The following SPATA12 variants were observed in gnomAD, a reference collection of about 807,000 sequenced individuals.
SPATA12 encodes the protein spermatogenesis-associated protein 12.
For synonymous variants in SPATA12, 85 were observed against 89.2 expected (o/e 0.95, Z 0.26); for missense variants, 219 against 226.4 (o/e 0.97, Z 0.21).
chr3:57,071,613 T>G (rs1386448146), intron 1 of SPATA12, among the ~76,000 whole-genome samples: 1 of 148,408 alleles, frequency 6.7e-6, no homozygotes, highest in Non-Finnish European at 1.5e-5. Flanking sequence ...TGAGCCGAGA[T>G]CATGCCACTA....
chr3:57,066,735 T>C (rs1377134814), intron 1 of SPATA12, among the ~76,000 whole-genome samples: 5 of 152,198 alleles, frequency 3.3e-5, no homozygotes, highest in African/African-American at 9.6e-5. Context: ...TCAGTGGACT[T>C]AGAGTAAAGC....
At chr3:57,067,180 G>A (rs550360080) in intron 1 of SPATA12, among the ~76,000 whole-genome samples, 2 of 152,214 alleles carry the variant, frequency 1.3e-5, no homozygotes, top group East Asian at 1.9e-4. Context: ...GGCCAGGCGC[G>A]GTGGCTCACG....
Position 57,074,214 on chromosome 3 carries a change from G to T in SPATA12, c.520G>T (p.Val174Phe). ...ACTGACATTTACTGAGGGCTGCTTTGTCAGGTCCCTCTCTACAGTATACTC... is the reference window on the plus strand; with the variant it reads ...ACTGACATTTACTGAGGGCTGCTTTTTCAGGTCCCTCTCTACAGTATACTC... ...NQLTFTEGCF[V>F]RSLSTVYSNT... Residue 174 changes from valine to phenylalanine, a missense_variant, in exon 2 of 2, where the codon GTC becomes TTC. Coordinates refer to ENST00000334325, the MANE Select transcript of SPATA12 (RefSeq NM_181727.2). 1 of 1,614,084 alleles carries T rather than the reference G, an allele frequency of 6.2e-7. No homozygotes were observed. The highest frequency in any genetic ancestry group is 8.5e-7 in the Non-Finnish European group (1 of 1,180,034).
chr3:57,073,718 TG>T lies in SPATA12; in HGVS notation c.27del (p.Ser10ProfsTer3). 6.2e-7 allele frequency: 1 copy of T among 1,614,116 alleles called. No individual in the cohort carries two copies. Among genetic ancestry groups the T allele is most frequent in the South Asian group, 1.1e-5 (1 of 91,058 alleles). ...CCATGTCCAGTTCTGCTCTGACTTG[TG>T]GGTCCACCTTAGAAAAGTCAGGAGA... MSSSALTC[G>X]STLEKSGDTW... On this transcript the variant is annotated frameshift_variant, in exon 2 of 2. Coordinates refer to ENST00000334325, the MANE Select transcript of SPATA12 (RefSeq NM_181727.2). LOFTEE classifies it low-confidence loss of function (END_TRUNC).
intron 1 of SPATA12, among the ~76,000 whole-genome samples, chr3:57,065,109 GT>G (rs1418788361): frequency 6.6e-6 from 1 of 152,230 alleles, no homozygotes; most frequent in African/African-American, 2.4e-5. Context: ...ATAACTGCAT[GT>G]TTATTTGCTG....
intron 1 of SPATA12, among the ~76,000 whole-genome samples, chr3:57,063,128 T>G (rs548813702): frequency 1.5e-4 from 23 of 151,924 alleles, no homozygotes; most frequent in African/African-American, 5.6e-4. Flanking sequence ...TTGGGAGAGG[T>G]GCATTTTGGG....
intron 1 of SPATA12, among the ~76,000 whole-genome samples, chr3:57,069,415 T>TCACACACACACACA (rs1560176738): frequency 7.6e-6 from 1 of 131,304 alleles, no homozygotes; most frequent in African/African-American, 3.0e-5. Flanking sequence ...ACACACATTG[T>TCACACACACACACA]TTGTTTAAAA....
intron 1 of SPATA12, among the ~76,000 whole-genome samples, chr3:57,068,862 T>C (rs1020499572): frequency 1.6e-4 from 25 of 151,882 alleles, no homozygotes; most frequent in Non-Finnish European, 2.5e-4. Context: ...ACAAAATCCC[T>C]ATGAACTGCC....
intron 1 of SPATA12, among the ~76,000 whole-genome samples, chr3:57,072,665 C>T (rs1705978468): frequency 6.7e-6 from 1 of 149,676 alleles, no homozygotes; most frequent in African/African-American, 2.5e-5. Context: ...TCACGTGAAC[C>T]CGGGGGGCAG....
chr3:57,069,808 C>G (rs1452672605), intron 1 of SPATA12, among the ~76,000 whole-genome samples: 1 of 152,156 alleles, frequency 6.6e-6, no homozygotes, highest in African/African-American at 2.4e-5. Context: ...TCACACCCAA[C>G]TAATTTTTAA....
rs567141389 is a variant in SPATA12, at chr3:57,069,412, T to C, written c.-329-3954T>C. On this transcript the variant is annotated intron_variant, in intron 1 of 1. Coordinates refer to ENST00000334325, the MANE Select transcript of SPATA12 (RefSeq NM_181727.2). ...ACACACACACACACACACACACACA[T>C]TGTTTGTTTAAAATGAGAGCTCCTC... Among the ~76,000 whole-genome samples the C allele has an allele frequency of 2.5e-3, 261 of 105,544 alleles. 5 individuals carry two copies. The highest frequency in any genetic ancestry group is 0.019 in the Admixed American group (220 of 11,486). 69.2% of individuals were successfully genotyped at this position (105,544 alleles called of 152,430 possible). A position where few individuals can be genotyped will look rare whatever the true frequency, so the allele number is the denominator to read the frequency against.
In SPATA12 at chr3:57,065,745, T is replaced by C. The variant is rs577501370; in HGVS notation, c.-330+4959T>C. Among the ~76,000 whole-genome samples the C allele has an allele frequency of 6.1e-4, 93 of 152,258 alleles. 3 individuals are homozygous for C. In the South Asian group the frequency reaches 0.018, roughly 29 times the overall value. ...TCTGTGGCCAGTGACCCACCACAGC[T>C]AGGTGGTAGCCTGCGGAACAGGAGA... On this transcript the variant is annotated intron_variant, in intron 1 of 1. Coordinates refer to ENST00000334325, the MANE Select transcript of SPATA12 (RefSeq NM_181727.2).
In SPATA12 at chr3:57,074,380, C is replaced by T. The variant is rs532585189; in HGVS notation, c.*113C>T. On this transcript the variant is annotated 3_prime_UTR_variant, in exon 2 of 2. Coordinates refer to ENST00000334325, the MANE Select transcript of SPATA12 (RefSeq NM_181727.2). ...CCCACCAGGGGTGACTCGTAGCCAT[C>T]CCTTTCTGCATCTTCTTAGATATCA... 1.6e-5 allele frequency: 14 copies of T among 880,878 alleles called. No individual in the cohort carries two copies. In the African/African-American group the frequency reaches 2.2e-4, roughly 14 times the overall value. 54.6% of individuals were successfully genotyped at this position (880,878 alleles called of 1,614,324 possible). A position where few individuals can be genotyped will look rare whatever the true frequency, so the allele number is the denominator to read the frequency against.
chr3:57,063,493 G>A (rs551556150), intron 1 of SPATA12, among the ~76,000 whole-genome samples: 21 of 152,244 alleles, frequency 1.4e-4, no homozygotes, highest in African/African-American at 4.3e-4. Context: ...AGCGGGAGGG[G>A]AGCAGTGGCC....
intron 1 of SPATA12, among the ~76,000 whole-genome samples, chr3:57,072,126 T>C (rs899269473): frequency 2.0e-5 from 3 of 151,216 alleles, no homozygotes; most frequent in Non-Finnish European, 4.4e-5. Context: ...ATAACAAGAG[T>C]TGATGAAGAT....
intron 1 of SPATA12, among the ~76,000 whole-genome samples, chr3:57,068,125 CTA>C (rs1336443262): frequency 3.3e-5 from 5 of 151,528 alleles, no homozygotes; most frequent in Admixed American, 6.6e-5. Context: ...CATAGGGTAA[CTA>C]TTGTTTCACC....
In SPATA12 at chr3:57,073,898, A is replaced by G; in HGVS notation, c.204A>G (p.Pro68=). 6.2e-7 allele frequency: 1 copy of G among 1,614,188 alleles called. No homozygotes were observed. Among genetic ancestry groups the G allele is most frequent in the Middle Eastern group, 1.6e-4 (1 of 6,062 alleles). The change falls in exon 2 of 2, where the codon CCA becomes CCG. Residue 68 remains proline, a synonymous_variant. Transcript: ENST00000334325. ...GVLPGAASAL[P]ELTFQGDVCQ... Reference sequence around the variant, plus strand: ...TGCCAGGAGCAGCCTCTGCCCTCCCAGAGCTGACATTTCAGGGGGATGTGT... The same window carrying G: ...TGCCAGGAGCAGCCTCTGCCCTCCCGGAGCTGACATTTCAGGGGGATGTGT...
chr3:57,072,791 A>G (rs186159992), intron 1 of SPATA12, among the ~76,000 whole-genome samples: 3 of 152,168 alleles, frequency 2.0e-5, no homozygotes, highest in Admixed American at 2.0e-4. Flanking sequence ...TCACTCCTGT[A>G]ATCCCAGCAC....
At chr3:57,073,165 A>G (rs1370765691) in intron 1 of SPATA12, among the ~76,000 whole-genome samples, 1 of 152,248 alleles carries the variant, frequency 6.6e-6, no homozygotes, top group Non-Finnish European at 1.5e-5. Flanking sequence ...AACAAAAGCA[A>G]GAGAAATCTA....
Sources: gnomAD v4.1 joint callset for allele counts (sites outside exome capture counted in the v4.1 genomes callset) on GRCh38, gnomAD v4.1.1 for gene constraint, MANE v1.5 for transcripts, NCBI Gene and HGNC (gene_info 2026-07-23, HGNC 2026-07-21) for gene names.